DLG2: variants seen among roughly 807,000 people sequenced by gnomAD.
The protein encoded by DLG2 is disks large homolog 2.
DLG2 carries 45 observed loss-of-function variants against 132.5 expected under a neutral mutation model. That is an observed-to-expected ratio of 0.34 (90% CI 0.27 to 0.44). The LOEUF is 0.44. Among genes scored for constraint, DLG2 ranks in the 20% least tolerant of loss-of-function variants. The pLI is 1.00. For missense variants in DLG2, 1,045 were observed against 1,196.9 expected (o/e 0.87, Z 1.87); for synonymous variants, 424 against 419.6 (o/e 1.01, Z -0.13).
intron 6 of DLG2, among the ~76,000 whole-genome samples, chr11:85,068,505 T>G (rs1345696202): frequency 6.6e-6 from 1 of 151,930 alleles, no homozygotes; most frequent in Non-Finnish European, 1.5e-5. Context: ...TATACACCAA[T>G]AGCAGACAAA....
chr11:85,376,755 G>T (rs1385075952), intron 3 of DLG2, among the ~76,000 whole-genome samples: 1 of 152,098 alleles, frequency 6.6e-6, no homozygotes, highest in Non-Finnish European at 1.5e-5. Context: ...CCAACCATTA[G>T]AAAAGGGTGA....
intron 4 of DLG2, among the ~76,000 whole-genome samples, chr11:85,189,080 G>T (rs532079474): frequency 6.6e-6 from 1 of 152,154 alleles, no homozygotes; most frequent in South Asian, 2.1e-4. Context: ...AAATTTTTAA[G>T]GCAGCAAGAT....
In DLG2 at chr11:84,223,124, T is replaced by C. The variant is rs866899049; in HGVS notation, c.573+28114A>G. ...TAAGATAAGCACTAACTGGGACTTA[T>C]AAGGAATGATTCAATACTGAGATGG... On this transcript the variant is annotated intron_variant, in intron 8 of 27. Transcript: ENST00000376104. Among the ~76,000 whole-genome samples the C allele has an allele frequency of 2.0e-3, 299 of 152,274 alleles. 1 individual carries two copies. Among genetic ancestry groups the C allele is most frequent in the African/African-American group, 6.8e-3 (283 of 41,568 alleles).
At chr11:84,171,787 C>T (rs1040497624) in intron 8 of DLG2, among the ~76,000 whole-genome samples, 1 of 152,078 alleles carries the variant, frequency 6.6e-6, no homozygotes, top group African/African-American at 2.4e-5. Flanking sequence ...ATATGAAAAT[C>T]AGTTGAGTGC....
At chr11:85,539,160 C>G (rs749965267) in intron 3 of DLG2, among the ~76,000 whole-genome samples, 2 of 151,870 alleles carry the variant, frequency 1.3e-5, no homozygotes, top group Non-Finnish European at 2.9e-5. Flanking sequence ...CTGGGTTTCT[C>G]CACTCAAGTC....
intron 7 of DLG2, among the ~76,000 whole-genome samples, chr11:84,483,812 G>C (rs536207014): frequency 2.0e-5 from 3 of 152,320 alleles, no homozygotes; most frequent in African/African-American, 7.2e-5. Flanking sequence ...CCGCCTAATT[G>C]AGTTCATTAA....
Position 84,313,581 on chromosome 11 carries a change from GAAAGGA to G in DLG2, c.520-62296_520-62291del, listed in dbSNP as rs1170101382. On this transcript the variant is annotated intron_variant, in intron 7 of 27. Coordinates refer to ENST00000376104, the MANE Select transcript of DLG2 (RefSeq NM_001142699.3). ...GGGAGGGAGGAGAGAGAGAGAGAGA[GAAAGGA>G]AGGAAGGAAGGAGGGAAGGAAAGAA... 2.9e-5 allele frequency among the ~76,000 whole-genome samples: 4 copies of G among 135,842 alleles called. No individual in the cohort carries two copies. The East Asian group carries it at 9.1e-4, about 31-fold the overall frequency. The allele number at this position is 135,842 out of a possible 152,430, so 89.1% of individuals were successfully genotyped here.
chr11:85,130,906 G>A (rs1241811662), intron 5 of DLG2, among the ~76,000 whole-genome samples: 3 of 152,104 alleles, frequency 2.0e-5, no homozygotes, highest in Non-Finnish European at 4.4e-5. Flanking sequence ...AAGCAATCAT[G>A]CATTATTTAC....
Position 83,668,854 on chromosome 11 carries a change from T to TAC in DLG2, c.1826-35530_1826-35529insGT, listed in dbSNP as rs2076312822. Among the ~76,000 whole-genome samples, 2 of 119,554 alleles carry TAC rather than the reference T, an allele frequency of 1.7e-5. 1 individual carries two copies. Among genetic ancestry groups the TAC allele is most frequent in the African/African-American group, 8.1e-5 (2 of 24,576 alleles). 78.4% of individuals were successfully genotyped at this position (119,554 alleles called of 152,430 possible). A position where few individuals can be genotyped will look rare whatever the true frequency, so the allele number is the denominator to read the frequency against. ...GTGTATATAAACACACACACACATATATATATATATATATTTTTTTTTTAT... is the reference window on the plus strand; with the variant it reads ...GTGTATATAAACACACACACACATATACATATATATATATATTTTTTTTTTAT... On this transcript the variant is annotated intron_variant, in intron 18 of 27. Coordinates refer to ENST00000376104, the MANE Select transcript of DLG2 (RefSeq NM_001142699.3).
At chr11:84,549,816 C>T (rs1183001844) in intron 6 of DLG2, among the ~76,000 whole-genome samples, 1 of 152,032 alleles carries the variant, frequency 6.6e-6, no homozygotes, top group Non-Finnish European at 1.5e-5. Context: ...TGCAGTGGCG[C>T]AATCTCAGCT....
At chr11:83,704,569 C>T (rs949754387) in intron 18 of DLG2, among the ~76,000 whole-genome samples, 2 of 149,928 alleles carry the variant, frequency 1.3e-5, no homozygotes, top group African/African-American at 4.9e-5. Flanking sequence ...GTAATCTTAG[C>T]ATTTTGGGAG....
chr11:84,295,688 T>C (rs1402772078), intron 7 of DLG2, among the ~76,000 whole-genome samples: 1 of 152,236 alleles, frequency 6.6e-6, no homozygotes, highest in Admixed American at 6.5e-5. Flanking sequence ...ACTAGAGTCC[T>C]GGTTTCTACT....
At chr11:85,010,007 C>T (rs1014314148) in intron 6 of DLG2, among the ~76,000 whole-genome samples, 1 of 152,064 alleles carries the variant, frequency 6.6e-6, no homozygotes, top group African/African-American at 2.4e-5. Flanking sequence ...TTAAAGTAAT[C>T]ACACTATGAA....
In DLG2 at chr11:83,484,182, A is replaced by G; in HGVS notation, c.2240T>C (p.Phe747Ser). 1 of 1,613,414 alleles carries G rather than the reference A, an allele frequency of 6.2e-7. No individual in the cohort carries two copies. The highest frequency in any genetic ancestry group is 8.5e-7 in the Non-Finnish European group (1 of 1,179,600). ...RKKSFIFSRKFPFYKNKEQSE... is the reference protein window; with the variant it reads ...RKKSFIFSRKSPFYKNKEQSE... ...CTGCTCCTTGTTCTTGTAGAATGGG[A>G]ATTTTCGTGAAAAGATGAAGCTCTT... Residue 747 changes from phenylalanine (F) to serine (S), a missense_variant, in exon 22 of 28, where the codon TTC becomes TCC. Phe to Ser is a radical substitution (Grantham distance 155). This residue lies in a region of DLG2 where 398 missense variants were observed against 543.6 expected (regional missense o/e 0.73). Transcript: ENST00000376104.
chr11:83,834,307 G>C (rs1315847919), intron 16 of DLG2, among the ~76,000 whole-genome samples: 2 of 152,198 alleles, frequency 1.3e-5, no homozygotes, highest in African/African-American at 4.8e-5. Context: ...CCTATGGAGG[G>C]CTGACGGAGA....
At chr11:85,205,311 C>A (rs1297630506) in intron 4 of DLG2, among the ~76,000 whole-genome samples, 1 of 151,610 alleles carries the variant, frequency 6.6e-6, no homozygotes, top group East Asian at 1.9e-4. Flanking sequence ...ATGTTCTCAA[C>A]CATATTTGGG....
At chr11:84,814,507 C>T (rs1194747891) in intron 6 of DLG2, among the ~76,000 whole-genome samples, 1 of 152,036 alleles carries the variant, frequency 6.6e-6, no homozygotes, top group Non-Finnish European at 1.5e-5. Flanking sequence ...GAGTCTAGGC[C>T]TTCCCTGACC....
chr11:85,462,128 A>T (rs962623958), intron 3 of DLG2, among the ~76,000 whole-genome samples: 4 of 152,216 alleles, frequency 2.6e-5, no homozygotes, highest in African/African-American at 7.2e-5. Context: ...TTAGAATGGC[A>T]ATCATTAAAA....
intron 3 of DLG2, chr11:85,453,388 C>T (rs888275847): frequency 5.0e-6 from 1 of 198,070 alleles, no homozygotes; most frequent in Non-Finnish European, 1.1e-5. Flanking sequence ...CTTCTCTACC[C>T]GTTCTAGAAT....
Sources: allele counts gnomAD v4.1 joint callset (sites outside exome capture counted in the v4.1 genomes callset), GRCh38; gene constraint gnomAD v4.1.1; regional missense constraint gnomAD v4.1.1; transcripts MANE v1.5; gene names NCBI Gene and HGNC (gene_info 2026-07-23, HGNC 2026-07-21).